The following DLGAP2 variants were observed in gnomAD, a reference collection of about 807,000 sequenced individuals.
The protein encoded by DLGAP2 is DLG associated protein 2, also known as disks large-associated protein 2.
Under a neutral mutation model 100.3 loss-of-function variants are expected in DLGAP2, and 26 were observed. That is an observed-to-expected ratio of 0.26 (90% CI 0.19 to 0.36). The LOEUF (loss-of-function observed/expected upper bound fraction) is 0.36, where lower values mean the gene tolerates loss of function less well. Ranked by LOEUF, DLGAP2 falls within the 10% of genes least tolerant of loss-of-function variation. DLGAP2 has a pLI of 1.00. For synonymous variants in DLGAP2, 886 were observed against 630.1 expected, an observed-to-expected ratio of 1.41 and a Z score of -6.08; for missense variants, 1,858 against 1,453.2, an observed-to-expected ratio of 1.28 and a Z score of -4.53.
At chr8:1,136,550 C>G (rs139737688) in intron 2 of DLGAP2, among the ~76,000 whole-genome samples, 1 of 152,220 alleles carries the variant, frequency 6.6e-6, no homozygotes. Flanking sequence ...GCACCAAGTA[C>G]GGTGCCTGGT....
Position 847,899 on chromosome 8 carries a change from GT to G in DLGAP2, c.19-60011del, listed in dbSNP as rs1797100513. On this transcript the variant is annotated intron_variant, in intron 1 of 14. Coordinates refer to ENST00000637795, the MANE Select transcript of DLGAP2 (RefSeq NM_001346810.2). ...CCCCTTTACTTTCTTCTGTTCGGTG[GT>G]TCTTATTTTGACTTTTAGCTTGGAT... Among the ~76,000 whole-genome samples the G allele has an allele frequency of 2.0e-5, 3 of 152,004 alleles. No individual in the cohort carries two copies. The South Asian group carries it at 6.2e-4, about 32-fold the overall frequency.
At chr8:1,586,299 T>G (rs899845598) in intron 6 of DLGAP2, among the ~76,000 whole-genome samples, 6 of 152,198 alleles carry the variant, frequency 3.9e-5, no homozygotes, top group Non-Finnish European at 8.8e-5. Flanking sequence ...CCCGTGTCCT[T>G]GTTGTCAGCT....
At chr8:1,270,582 G>A (rs1380729740) in intron 3 of DLGAP2, among the ~76,000 whole-genome samples, 3 of 152,144 alleles carry the variant, frequency 2.0e-5, no homozygotes, top group East Asian at 1.9e-4. Flanking sequence ...CCATTAATTT[G>A]AAGTGGGGGC....
At position 1,045,001 on chromosome 8, in the gene DLGAP2, C is replaced by T. The variant is rs554204168; in HGVS notation, c.73+137035C>T. 3.9e-5 allele frequency among the ~76,000 whole-genome samples: 6 copies of T among 152,292 alleles called. No homozygotes were observed. In the South Asian group the frequency reaches 8.3e-4, roughly 21 times the overall value. On this transcript the variant is annotated intron_variant, in intron 2 of 14. Transcript: ENST00000637795. ...CCTTCAGCTACAGACTTAAAAGGTC[C>T]TTGTCATTTCCTCATAAGCACACAT...
rs548785067 is a variant in DLGAP2 at position 1,225,155 on chromosome 8, A to G, written c.74-33696A>G. Among the ~76,000 whole-genome samples the G allele has an allele frequency of 3.2e-4, 49 of 152,376 alleles. No individual in the cohort carries two copies. The South Asian group carries it at 6.4e-3, about 20-fold the overall frequency. On this transcript the variant is annotated intron_variant, in intron 2 of 14. Coordinates refer to ENST00000637795, the MANE Select transcript of DLGAP2 (RefSeq NM_001346810.2). ...CGTCCATGCTCACAGCAGTGCTTGC[A>G]TGATAGCCGAAGGGGAACCACCTGG...
rs1821408707 is a variant in DLGAP2, at chr8:773,071, C to T, written c.18+35246C>T. Among the ~76,000 whole-genome samples the T allele has an allele frequency of 2.0e-5, 3 of 152,196 alleles. No homozygotes were observed. In the South Asian group the frequency reaches 6.2e-4, roughly 31 times the overall value. On this transcript the variant is annotated intron_variant, in intron 1 of 14. Transcript: ENST00000637795. ...GGCCATTGCTGACAGATCTGTTGAG[C>T]TGCTTGGCTGCTGTAACCAAGCCCT... is the stretch of plus-strand genomic sequence containing the variant.
intron 3 of DLGAP2, among the ~76,000 whole-genome samples, chr8:1,323,162 T>G (rs1480892851): frequency 1.3e-5 from 2 of 151,994 alleles, no homozygotes; most frequent in Non-Finnish European, 1.5e-5. Context: ...CCTGAGTAGC[T>G]GGGACTACAG....
intron 2 of DLGAP2, among the ~76,000 whole-genome samples, chr8:941,785 G>C (rs560095200): frequency 6.6e-6 from 1 of 152,096 alleles, no homozygotes; most frequent in African/African-American, 2.4e-5. Context: ...CATCAGTGTA[G>C]GTCCTATATT....
intron 3 of DLGAP2, among the ~76,000 whole-genome samples, chr8:1,353,982 A>C (rs1182312679): frequency 1.3e-5 from 2 of 152,190 alleles, no homozygotes; most frequent in African/African-American, 4.8e-5. Flanking sequence ...GTTTTTTTAA[A>C]AACCTAGTGC....
intron 7 of DLGAP2, among the ~76,000 whole-genome samples, chr8:1,631,857 A>G (rs576019041): frequency 1.3e-5 from 2 of 152,360 alleles, no homozygotes; most frequent in South Asian, 4.1e-4. Context: ...TGTTGTGTCA[A>G]CAACACAACT....
intron 3 of DLGAP2, among the ~76,000 whole-genome samples, chr8:1,368,103 C>CTGAT (rs1802149478): frequency 6.6e-6 from 1 of 152,082 alleles, no homozygotes; most frequent in Admixed American, 6.6e-5. Context: ...GTGTTGAGTG[C>CTGAT]TGATTGTATG....
At chr8:1,689,367 C>T (rs1799198100) in intron 12 of DLGAP2, among the ~76,000 whole-genome samples, 1 of 152,214 alleles carries the variant, frequency 6.6e-6, no homozygotes, top group Non-Finnish European at 1.5e-5. Context: ...CTAGGCAAAA[C>T]CTCCAGCACA....
At chr8:1,697,639 A>T (rs941766992) in intron 14 of DLGAP2, among the ~76,000 whole-genome samples, 1 of 152,238 alleles carries the variant, frequency 6.6e-6, no homozygotes, top group Non-Finnish European at 1.5e-5. Flanking sequence ...CCTATGAATT[A>T]TCTTTATCAA....
At chr8:1,149,480 C>T (rs1170761856) in intron 2 of DLGAP2, among the ~76,000 whole-genome samples, 3 of 152,308 alleles carry the variant, frequency 2.0e-5, no homozygotes, top group East Asian at 1.9e-4. Flanking sequence ...TCAGTGATTT[C>T]AGTCTTAAAA....
At chr8:1,472,252 C>G (rs180890905) in intron 3 of DLGAP2, among the ~76,000 whole-genome samples, 1 of 152,078 alleles carries the variant, frequency 6.6e-6, no homozygotes, top group Non-Finnish European at 1.5e-5. Context: ...TTGAGCCATG[C>G]GGTAGAGCGG....
intron 10 of DLGAP2, among the ~76,000 whole-genome samples, chr8:1,674,693 T>C (rs913011322): frequency 1.3e-5 from 2 of 152,214 alleles, no homozygotes; most frequent in African/African-American, 4.8e-5. Flanking sequence ...TCCCGTCTGG[T>C]GAATATATTC....
rs1474747430 is a variant in DLGAP2 at position 1,187,893 on chromosome 8, C to T, written c.74-70958C>T. Among the ~76,000 whole-genome samples the T allele has an allele frequency of 1.6e-5, 2 of 126,498 alleles. 1 individual carries two copies. The highest frequency in any genetic ancestry group is 3.1e-5 in the Non-Finnish European group (2 of 65,100). The allele number at this position is 126,498 out of a possible 152,430, so 83.0% of individuals were successfully genotyped here. A position where few individuals can be genotyped will look rare whatever the true frequency, so the allele number is the denominator to read the frequency against. On this transcript the variant is annotated intron_variant, in intron 2 of 14. Transcript: ENST00000637795. ...GACGTTTGCCTCACGGAATCTCACA[C>T]GCCCGGGACCTCCGTGACATTTGCC...
intron 2 of DLGAP2, among the ~76,000 whole-genome samples, chr8:1,055,515 T>C (rs1188788198): frequency 6.6e-6 from 1 of 152,248 alleles, no homozygotes; most frequent in Non-Finnish European, 1.5e-5. Context: ...TCTGTTGTTA[T>C]CACTTATAAG....
intron 3 of DLGAP2, among the ~76,000 whole-genome samples, chr8:1,269,617 C>G (rs772834853): frequency 3.3e-5 from 5 of 152,042 alleles, no homozygotes; most frequent in Admixed American, 2.6e-4. Context: ...TTACCCATTA[C>G]GAAGGAGTGA....
Sources: allele counts gnomAD v4.1 joint callset (sites outside exome capture counted in the v4.1 genomes callset), GRCh38; gene constraint gnomAD v4.1.1; transcripts MANE v1.5; gene names NCBI Gene and HGNC (gene_info 2026-07-23, HGNC 2026-07-21).